ZNF407: variants seen among roughly 807,000 people sequenced by gnomAD.
ZNF407 encodes zinc finger protein 407.
A neutral mutation model predicts 131.2 loss-of-function variants in ZNF407; 17 were observed. The ratio of observed to expected loss-of-function variants is 0.13; its 90% CI spans 0.09 to 0.19. The LOEUF is 0.19. Ranked by LOEUF, ZNF407 falls within the 10% of genes least tolerant of loss-of-function variation. The probability of loss-of-function intolerance (pLI) is 1.00; values close to 1 mark genes in which losing one functional copy is unlikely to be tolerated. For synonymous variants in ZNF407, 1,156 were observed against 1,062.0 expected (o/e 1.09, Z -1.72); for missense variants, 2,681 against 2,830.6 (o/e 0.95, Z 1.20).
intron 4 of ZNF407, among the ~76,000 whole-genome samples, chr18:74,858,578 C>T (rs928901862): frequency 7.2e-5 from 11 of 152,114 alleles, no homozygotes; most frequent in East Asian, 1.9e-4. Flanking sequence ...TTGTGGAGGA[C>T]GCAGTCTGGG....
At chr18:74,601,663 G>T (rs1415800075) in intron 1 of ZNF407, among the ~76,000 whole-genome samples, 1 of 152,090 alleles carries the variant, frequency 6.6e-6, no homozygotes, top group Admixed American at 6.5e-5. Context: ...AGGAGCGAGA[G>T]AGTGGGGAGG....
chr18:74,632,885 G>T lies in ZNF407; in HGVS notation c.1866G>T (p.Leu622=). 5 of 1,613,406 alleles carry T rather than the reference G, an allele frequency of 3.1e-6. No individual in the cohort carries two copies. The highest frequency in any genetic ancestry group is 3.4e-6 in the Non-Finnish European group (4 of 1,179,864). The change falls in exon 2 of 9, where the codon CTG becomes CTT. Residue 622 remains leucine, a synonymous_variant. Coordinates refer to ENST00000299687, the MANE Select transcript of ZNF407 (RefSeq NM_017757.3). ...ATTTTCTTTGCACCCCTTGTAATCT[G>T]TTCTTTTTGTCTGAAAAAGATGTGG... is the stretch of plus-strand genomic sequence containing the variant. ...NMHFLCTPCN[L]FFLSEKDVEE...
chr18:74,901,047 C>T (rs1441243739), intron 7 of ZNF407, among the ~76,000 whole-genome samples: 1 of 152,012 alleles, frequency 6.6e-6, no homozygotes, highest in Admixed American at 6.5e-5. Context: ...AACATATCAC[C>T]CTGTAGGCTG....
chr18:74,903,230 A>C (rs1286846524), intron 7 of ZNF407, among the ~76,000 whole-genome samples: 1 of 152,240 alleles, frequency 6.6e-6, no homozygotes, highest in Non-Finnish European at 1.5e-5. Context: ...GTGAAACATG[A>C]TGCTGCTTCA....
intron 3 of ZNF407, among the ~76,000 whole-genome samples, chr18:74,653,665 A>G (rs1410578144): frequency 6.6e-6 from 1 of 151,782 alleles, no homozygotes; most frequent in African/African-American, 2.4e-5. Context: ...ATTAGTTTCA[A>G]TTTCAGTAAT....
chr18:74,925,232 G>C lies in ZNF407; in HGVS notation c.5428+4540G>C, dbSNP rs990999317. Among the ~76,000 whole-genome samples, 5 of 152,070 alleles carry C rather than the reference G, an allele frequency of 3.3e-5. No individual in the cohort carries two copies. The South Asian group carries it at 8.3e-4, about 25-fold the overall frequency. ...ACGTATGTACATTAGATTATTACCT[G>C]TGCAGAGTGATAACACTTGAAATTA... On this transcript the variant is annotated intron_variant, in intron 8 of 8. Coordinates refer to ENST00000299687, the MANE Select transcript of ZNF407 (RefSeq NM_017757.3).
intron 1 of ZNF407, among the ~76,000 whole-genome samples, chr18:74,629,864 C>A (rs943622161): frequency 1.3e-5 from 2 of 152,076 alleles, no homozygotes; most frequent in Middle Eastern, 3.4e-3. Context: ...AAAATAAAAT[C>A]AATATTATTG....
At chr18:74,838,641 C>T (rs888901963) in intron 4 of ZNF407, among the ~76,000 whole-genome samples, 1 of 151,940 alleles carries the variant, frequency 6.6e-6, no homozygotes, top group Non-Finnish European at 1.5e-5. Flanking sequence ...GTTCTCTTTG[C>T]ATTGCTTTGT....
At chr18:74,747,287 C>A (rs538536966) in intron 3 of ZNF407, among the ~76,000 whole-genome samples, 1 of 152,062 alleles carries the variant, frequency 6.6e-6, no homozygotes, top group Non-Finnish European at 1.5e-5. Context: ...ATAAAAATAC[C>A]TTGCATCCAG....
At chr18:74,929,051 G>T (rs1446006370) in intron 8 of ZNF407, among the ~76,000 whole-genome samples, 1 of 152,138 alleles carries the variant, frequency 6.6e-6, no homozygotes, top group Non-Finnish European at 1.5e-5. Context: ...CACAGCTTTT[G>T]ATGGTAACAC....
chr18:75,034,664 A>G (rs1482195412), intron 8 of ZNF407, among the ~76,000 whole-genome samples: 1 of 151,892 alleles, frequency 6.6e-6, no homozygotes, highest in East Asian at 1.9e-4. Context: ...TGTGGGTACA[A>G]GGTCATTAAC....
intron 8 of ZNF407, among the ~76,000 whole-genome samples, chr18:75,031,145 C>A (rs1015430999): frequency 6.6e-6 from 1 of 152,208 alleles, no homozygotes; most frequent in Non-Finnish European, 1.5e-5. Context: ...TTGCAGACCT[C>A]ATAATCACCT....
intron 8 of ZNF407, among the ~76,000 whole-genome samples, chr18:74,966,636 TG>T (rs1478216560): frequency 3.9e-5 from 6 of 152,228 alleles, no homozygotes; most frequent in African/African-American, 1.4e-4. Flanking sequence ...AGGATAGTTT[TG>T]GCTATTCTGG....
intron 7 of ZNF407, among the ~76,000 whole-genome samples, chr18:74,890,295 T>C (rs1971366643): frequency 6.6e-6 from 1 of 152,046 alleles, no homozygotes; most frequent in Admixed American, 6.6e-5. Context: ...TCTTTCGTTA[T>C]CAACATTCCC....
chr18:74,661,136 A>C (rs1432833594), intron 3 of ZNF407, among the ~76,000 whole-genome samples: 1 of 152,140 alleles, frequency 6.6e-6, no homozygotes, highest in South Asian at 2.1e-4. Flanking sequence ...ATCAATATGC[A>C]TGATCCCTTT....
chr18:74,899,973 G>C (rs1971501896), intron 7 of ZNF407, among the ~76,000 whole-genome samples: 1 of 152,240 alleles, frequency 6.6e-6, no homozygotes, highest in African/African-American at 2.4e-5. Flanking sequence ...AAGACAGAGG[G>C]TGGCAGCTGA....
Position 74,633,107 on chromosome 18 carries a change from A to G in ZNF407, c.2088A>G (p.Glu696=). Residue 696 remains glutamate, a synonymous_variant, in exon 2 of 9, where the codon GAA becomes GAG. Transcript: ENST00000299687. The part of the protein sequence containing the change: ...PLKSRVSHGN[E]VRHSSKPQFQ... The stretch of plus-strand genomic sequence containing the variant: ...AGTCCAGGGTAAGCCATGGTAATGA[A>G]GTGAGGCATTCCAGTAAGCCTCAGT... 1.9e-6 allele frequency: 3 copies of G among 1,613,656 alleles called. No homozygotes were observed. Among genetic ancestry groups the G allele is most frequent in the Non-Finnish European group, 2.5e-6 (3 of 1,179,826 alleles).
intron 3 of ZNF407, among the ~76,000 whole-genome samples, chr18:74,732,612 C>T (rs141845338): frequency 6.6e-6 from 1 of 152,060 alleles, no homozygotes; most frequent in Non-Finnish European, 1.5e-5. Flanking sequence ...CAGTGGATAA[C>T]CAGGAAGTGA....
At chr18:74,654,868 ATTT>A (rs950590238) in intron 3 of ZNF407, among the ~76,000 whole-genome samples, 20 of 151,846 alleles carry the variant, frequency 1.3e-4, no homozygotes, top group African/African-American at 4.3e-4. Flanking sequence ...GTTGTAATAG[ATTT>A]TTTACAGTAA....
Sources: allele counts gnomAD v4.1 joint callset (sites outside exome capture counted in the v4.1 genomes callset), GRCh38; gene constraint gnomAD v4.1.1; transcripts MANE v1.5; gene names NCBI Gene and HGNC (gene_info 2026-07-23, HGNC 2026-07-21).